The following FRMD3 variants were observed in gnomAD, a reference collection of about 807,000 sequenced individuals.
FRMD3 encodes the protein FERM domain containing 3, also known as FERM domain-containing protein 3.
In FRMD3, 33 loss-of-function variants were observed where a neutral mutation model predicts 70.2. The observed-to-expected ratio is 0.47, with a 90% confidence interval of 0.36 to 0.63. The LOEUF is 0.63. Among genes scored for constraint, FRMD3 ranks in the 20% least tolerant of loss-of-function variants. The pLI is 0.00. For synonymous variants in FRMD3, 279 were observed against 255.9 expected (o/e 1.09, Z -0.86); for missense variants, 632 against 711.4 (o/e 0.89, Z 1.27).
intron 10 of FRMD3, among the ~76,000 whole-genome samples, chr9:83,304,857 A>G (rs1835062660): frequency 6.6e-6 from 1 of 152,200 alleles, no homozygotes; most frequent in Non-Finnish European, 1.5e-5. Flanking sequence ...AATGGTGAAT[A>G]AGTCTGTGTT....
chr9:83,256,408 A>G (rs1832711786), intron 13 of FRMD3, among the ~76,000 whole-genome samples: 2 of 152,224 alleles, frequency 1.3e-5, no homozygotes, highest in South Asian at 2.1e-4. Flanking sequence ...ACCCAAAACT[A>G]TAAAAACCCT....
intron 2 of FRMD3, among the ~76,000 whole-genome samples, chr9:83,384,975 G>A (rs985480418): frequency 1.3e-5 from 2 of 152,116 alleles, no homozygotes; most frequent in African/African-American, 4.8e-5. Flanking sequence ...TCAGCTCTAA[G>A]GCATGGGGTG....
chr9:83,550,254 G>A, the FRMD3 span, among the ~76,000 whole-genome samples: 5 of 152,076 alleles, frequency 3.3e-5, no homozygotes, highest in African/African-American at 9.7e-5. Context: ...TCAGATGGTC[G>A]TAGATGTGTG....
chr9:83,311,921 A>G lies in FRMD3; in HGVS notation c.739T>C (p.Phe247Leu). Residue 247 changes from phenylalanine (F) to leucine (L), a missense_variant, in exon 8 of 14, where the codon TTT becomes CTT. Phe to Leu is a conservative substitution (Grantham distance 22, BLOSUM62 0). This residue lies in a region of FRMD3 where 418 missense variants were observed against 442.1 expected (regional missense o/e 0.95). Transcript: ENST00000304195. Reference sequence around the variant, plus strand: ...AAATGGATTCTCTTATTTCCCTGAAAGACCACAAAGCCTGCAGCTGTGAAT... The same window carrying G: ...AAATGGATTCTCTTATTTCCCTGAAGGACCACAAAGCCTGCAGCTGTGAAT... ...LGFTAAGFVVFQGNKRIHLIK... is the reference protein window; with the variant it reads ...LGFTAAGFVVLQGNKRIHLIK... 1 of 1,612,586 alleles carries G rather than the reference A, an allele frequency of 6.2e-7. No individual in the cohort carries two copies. Among genetic ancestry groups the G allele is most frequent in the East Asian group, 2.2e-5 (1 of 44,848 alleles).
chr9:83,383,970 C>G (rs1399335587), intron 2 of FRMD3, among the ~76,000 whole-genome samples: 1 of 152,212 alleles, frequency 6.6e-6, no homozygotes, highest in Non-Finnish European at 1.5e-5. Flanking sequence ...CTGAAGCAAT[C>G]TGACAATTTC....
At chr9:83,254,898 A>T (rs1360800386) in intron 13 of FRMD3, among the ~76,000 whole-genome samples, 1 of 152,174 alleles carries the variant, frequency 6.6e-6, no homozygotes, top group African/African-American at 2.4e-5. Flanking sequence ...CTACCAATAT[A>T]AAAAAGCCCA....
chr9:83,532,800 C>T (rs893878768), intron 1 of FRMD3, among the ~76,000 whole-genome samples: 3 of 152,198 alleles, frequency 2.0e-5, no homozygotes, highest in African/African-American at 7.2e-5. Flanking sequence ...CTGATGGGGA[C>T]TCTGGGAAAG....
intron 6 of FRMD3, among the ~76,000 whole-genome samples, chr9:83,328,283 G>A (rs747366924): frequency 2.2e-4 from 34 of 152,146 alleles, no homozygotes; most frequent in Non-Finnish European, 3.5e-4. Context: ...CTTTTAAAGA[G>A]GCACTGCTGC....
At chr9:83,439,294 C>T (rs1021597940) in intron 1 of FRMD3, among the ~76,000 whole-genome samples, 1 of 152,242 alleles carries the variant, frequency 6.6e-6, no homozygotes, top group African/African-American at 2.4e-5. Flanking sequence ...TCCTTGAGGA[C>T]ATGGTAACAA....
intron 1 of FRMD3, among the ~76,000 whole-genome samples, chr9:83,453,821 T>C (rs1827738222): frequency 2.0e-5 from 3 of 150,926 alleles, no homozygotes; most frequent in South Asian, 2.1e-4. Context: ...GTTCACGCCA[T>C]TCTCTTGCCT....
At chr9:83,382,241 A>T (rs897670677) in intron 2 of FRMD3, among the ~76,000 whole-genome samples, 2 of 152,208 alleles carry the variant, frequency 1.3e-5, no homozygotes, top group South Asian at 2.1e-4. Flanking sequence ...GTCAAAGATC[A>T]GCTAGCCTCT....
chr9:83,248,042 G>T lies in FRMD3; in HGVS notation c.1670C>A (p.Ser557Tyr), dbSNP rs539539722. Residue 557 changes from serine to tyrosine, a missense_variant, in exon 14 of 14, where the codon TCC becomes TAC. This residue lies in a region of FRMD3 where 418 missense variants were observed against 442.1 expected (regional missense o/e 0.95). Transcript: ENST00000304195. ...TGTCTGGCGGATTTCGCATAAGAAG[G>T]AGAGATCAATACCTGACTCCAAAAG... ...LLLLESGIDL[S>Y]FLCEIRQTPE... 2 of 1,614,112 alleles carry T rather than the reference G, an allele frequency of 1.2e-6. No homozygotes were observed. Among genetic ancestry groups the T allele is most frequent in the South Asian group, 2.2e-5 (2 of 91,078 alleles).
chr9:83,371,131 CA>C (rs1386205417), intron 3 of FRMD3, among the ~76,000 whole-genome samples: 1 of 151,980 alleles, frequency 6.6e-6, no homozygotes, highest in East Asian at 1.9e-4. Context: ...TAATAAGAAC[CA>C]AAGTCAAAGA....
intron 2 of FRMD3, among the ~76,000 whole-genome samples, chr9:83,378,702 ATATG>A (rs1195888773): frequency 1.8e-5 from 2 of 112,034 alleles, no homozygotes; most frequent in Non-Finnish European, 3.6e-5. Flanking sequence ...ATTATATATA[ATATG>A]TATACTTTAT....
intron 13 of FRMD3, among the ~76,000 whole-genome samples, chr9:83,268,454 C>G (rs766229719): frequency 1.4e-4 from 21 of 152,168 alleles, no homozygotes; most frequent in Admixed American, 4.6e-4. Flanking sequence ...AGATGTTCAT[C>G]AGAGTATCAT....
At chr9:83,569,180 C>T in the FRMD3 span, among the ~76,000 whole-genome samples, 1 of 152,158 alleles carries the variant, frequency 6.6e-6, no homozygotes, top group Non-Finnish European at 1.5e-5. Context: ...GCTCCAGAGA[C>T]TTTCTGAAGG....
chr9:83,315,500 T>A (rs976921068), intron 6 of FRMD3, among the ~76,000 whole-genome samples: 1 of 152,146 alleles, frequency 6.6e-6, no homozygotes, highest in African/African-American at 2.4e-5. Context: ...TCTCCCTTGC[T>A]GTTCTCGGGA....
At chr9:83,268,499 A>G (rs542996946) in intron 13 of FRMD3, among the ~76,000 whole-genome samples, 2 of 152,364 alleles carry the variant, frequency 1.3e-5, no homozygotes, top group Admixed American at 1.3e-4. Flanking sequence ...AAGTCAACCT[A>G]TATTTCCAGT....
the FRMD3 span, among the ~76,000 whole-genome samples, chr9:83,546,227 A>T: frequency 6.6e-6 from 1 of 152,102 alleles, no homozygotes; most frequent in South Asian, 2.1e-4. Context: ...CATGGCGGTA[A>T]GCCCCTATAA....
Sources: allele counts gnomAD v4.1 joint callset (sites outside exome capture counted in the v4.1 genomes callset), GRCh38; gene constraint gnomAD v4.1.1; regional missense constraint gnomAD v4.1.1; transcripts MANE v1.5; gene names NCBI Gene and HGNC (gene_info 2026-07-23, HGNC 2026-07-21).